The following GRM6 variants were observed in gnomAD, a reference collection of about 807,000 sequenced individuals.
The protein encoded by GRM6 is glutamate metabotropic receptor 6.
Under a neutral mutation model 78.4 loss-of-function variants are expected in GRM6, and 73 were observed. The observed-to-expected ratio is 0.93, with a 90% CI of 0.77 to 1.13. The LOEUF is 1.13. Ranked by LOEUF, GRM6 falls within the 50% of genes most tolerant of loss-of-function variation. The pLI is 0.00. For missense variants in GRM6, 1,251 were observed against 1,256.4 expected, an observed-to-expected ratio of 1.00 and a Z score of 0.07; for synonymous variants, 580 against 555.0, an observed-to-expected ratio of 1.05 and a Z score of -0.63.
rs140789330 is a variant in GRM6 at position 178,983,042 on chromosome 5, G to C, written c.2304C>G (p.Tyr768Ter). The change falls in exon 10 of 11, where the codon TAC becomes TAG. Residue 768 changes from tyrosine to a stop codon, truncating the protein, a stop_gained. Transcript: ENST00000517717. LOFTEE classifies it high-confidence loss of function. ...SLLLMVTCTVYAIKARGVPET... is the reference protein window; with the variant it reads ...SLLLMVTCTV ...CGGGCACGCCACGGGCCTTGATGGC[G>C]TACACTGTGCACGTGACCATGAGCA... 1.2e-6 allele frequency: 2 copies of C among 1,613,974 alleles called. No homozygotes were observed. The highest frequency in any genetic ancestry group is 1.3e-5 in the African/African-American group (1 of 75,002).
intron 9 of GRM6, chr5:178,985,620 G>A (rs562122001): frequency 5.8e-4 from 210 of 361,878 alleles, no homozygotes; most frequent in Middle Eastern, 5.7e-3. Context: ...GGAGAATGGC[G>A]TGAACCCGGA....
chr5:178,982,700 A>AC lies in GRM6; in HGVS notation c.2436+209_2436+210insG, dbSNP rs967227345. The AC allele has an allele frequency of 9.5e-5, 48 of 506,088 alleles. 1 individual carries two copies. The highest frequency in any genetic ancestry group is 8.1e-4 in the African/African-American group (39 of 48,122). 31.3% of individuals were successfully genotyped at this position (506,088 alleles called of 1,614,324 possible). A position where few individuals can be genotyped will look rare whatever the true frequency, so the allele number is the denominator to read the frequency against. On this transcript the variant is annotated intron_variant, in intron 10 of 10. Transcript: ENST00000517717. The stretch of plus-strand genomic sequence containing the variant: ...CAAAGAAATGAAAATGATAAAAAAA[A>AC]AAAAGAAAAAAAGAAGAGTGGAAGT...
chr5:178,987,243 C>T (rs908569622), intron 7 of GRM6: 31 of 634,258 alleles, frequency 4.9e-5, no homozygotes, highest in Admixed American at 1.5e-4. Context: ...AGGCTGCAGC[C>T]GCTGCAGAAA....
chr5:178,986,015 G>T, intron 9 of GRM6, 115 bp downstream of exon 9: 3 of 951,904 alleles, frequency 3.2e-6, no homozygotes, highest in Non-Finnish European at 4.7e-6. Flanking sequence ...ACCCACCTCA[G>T]CCTCCAAAGG....
chr5:178,986,605 A>T lies in GRM6; in HGVS notation c.1649T>A (p.Val550Glu), dbSNP rs201576815. The change falls in exon 9 of 11, where the codon GTG becomes GAG. Residue 550 changes from valine (V) to glutamate (E), a missense_variant. Transcript: ENST00000517717. ...ACAGGCCTCGCATGTGAACTCGTCC[A>T]CCTGGAAGCGGTACCCGTCACAGGC... ...CEACDGYRFQ[V>E]DEFTCEACPG... 65 of 1,604,254 alleles carry T rather than the reference A, an allele frequency of 4.1e-5. No homozygotes were observed. Among genetic ancestry groups the T allele is most frequent in the Non-Finnish European group, 5.5e-5 (65 of 1,179,888 alleles).
intron 2 of GRM6, 50 bp downstream of exon 2, chr5:178,994,391 G>A: frequency 2.1e-6 from 3 of 1,447,354 alleles, no homozygotes; most frequent in South Asian, 1.3e-5. Flanking sequence ...ACCCCAGGGC[G>A]AGGACGGGAG....
Position 178,991,850 on chromosome 5 carries a change from C to G in GRM6, c.721+17G>C, listed in dbSNP as rs368697449. 2.5e-6 allele frequency: 4 copies of G among 1,605,230 alleles called. No homozygotes were observed. In the Admixed American group the frequency reaches 5.0e-5, roughly 20 times the overall value. On this transcript the variant is annotated intron_variant, in intron 3 of 10. Coordinates refer to ENST00000517717, the MANE Select transcript of GRM6 (RefSeq NM_000843.4). The surrounding 1 kb of genome is among the most constrained non-coding windows in gnomAD (Gnocchi z 5.0). ...ACACTATGTAGACTCCTTGGTGCCT[C>G]GGAGCCCCCAGCTCACCAGCCTCTC...
chr5:178,987,962 G>A (rs1487977355), intron 7 of GRM6, among the ~76,000 whole-genome samples: 2 of 150,288 alleles, frequency 1.3e-5, no homozygotes, highest in Middle Eastern at 3.2e-3. Flanking sequence ...GTTTCACCAT[G>A]TTGGCCAGGC....
At position 178,988,937 on chromosome 5, in the gene GRM6, T is replaced by C; in HGVS notation, c.1352A>G (p.Asn451Ser). Residue 451 changes from asparagine to serine, a missense_variant and splice_region_variant, in exon 7 of 11, where the codon AAT (asparagine) becomes AGT (serine). By Grantham distance (46) the Asn-to-Ser change is conservative (BLOSUM62 1). Transcript: ENST00000517717. This position sits in a 1 kb window ranked among gnomAD's most constrained non-coding sequence, Gnocchi z 6.0. ...LLQYIRAVRF[N>S]GSAGTPVMFN... ...CAGGGGGGCAGGCACCCACTCACCATTGAAGCGGACAGCTCGAATGTACTG... is the reference window on the plus strand; with the variant it reads ...CAGGGGGGCAGGCACCCACTCACCACTGAAGCGGACAGCTCGAATGTACTG... 1 of 1,612,244 alleles carries C rather than the reference T, an allele frequency of 6.2e-7. No individual in the cohort carries two copies.
rs188530512 is a variant in GRM6, at chr5:178,993,816, G to A, written c.504+625C>T. Among the ~76,000 whole-genome samples the A allele has an allele frequency of 6.1e-3, 932 of 152,238 alleles. 8 individuals are homozygous for A. The highest frequency in any genetic ancestry group is 0.02 in the Middle Eastern group (6 of 294). On this transcript the variant is annotated intron_variant, in intron 2 of 10. Coordinates refer to ENST00000517717, the MANE Select transcript of GRM6 (RefSeq NM_000843.4). ...TTTGAGGACAGAGCAGGGCCAGCCC[G>A]GGCACCTGCGCAGGGCAGGGTGCAG...
chr5:178,986,271 C>G lies in GRM6; in HGVS notation c.1983G>C (p.Thr661=). 1 of 1,614,080 alleles carries G rather than the reference C, an allele frequency of 6.2e-7. No individual in the cohort carries two copies. The highest frequency in any genetic ancestry group is 1.3e-5 in the African/African-American group (1 of 75,038). The change falls in exon 9 of 11, where the codon ACG becomes ACC. Residue 661 remains threonine, a synonymous_variant. Coordinates refer to ENST00000517717, the MANE Select transcript of GRM6 (RefSeq NM_000843.4). ...AARRLFLGLG[T]TLSYSALLTK... ...TGAGCAGGGCAGAGTAGCTGAGGGT[C>G]GTGCCCAGGCCCAGGAAGAGCCTGC...
chr5:178,986,717 C>T lies in GRM6; in HGVS notation c.1537G>A (p.Val513Met), dbSNP rs201396068. The T allele has an allele frequency of 1.1e-4, 180 of 1,605,094 alleles. No homozygotes were observed. In the East Asian group the frequency reaches 3.1e-3, roughly 28 times the overall value. The change falls in exon 9 of 11, where the codon GTG (valine) becomes ATG (methionine). Residue 513 changes from valine (V) to methionine (M), a missense_variant. Coordinates refer to ENST00000517717, the MANE Select transcript of GRM6 (RefSeq NM_000843.4). ...GGCAGGCTGCACAGAGACGAGGGCA[C>T]CTCGTGGGGGTCGCCAGACCACTGC... ...ALQWSGDPHE[V>M]PSSLCSLPCG...
Position 178,981,834 on chromosome 5 carries a change from C to G in GRM6, c.2457G>C (p.Thr819=). The G allele has an allele frequency of 6.2e-7, 1 of 1,612,170 alleles. No homozygotes were observed. The highest frequency in any genetic ancestry group is 8.5e-7 in the Non-Finnish European group (1 of 1,178,276). ...SAEKIYIQTT[T]LTVSLSLSAS... Reference sequence around the variant, plus strand: ...CACTCAGGCTCAAGGACACGGTTAGCGTGGTTGTCTGGATGTAGATCTAGG... The same window carrying G: ...CACTCAGGCTCAAGGACACGGTTAGGGTGGTTGTCTGGATGTAGATCTAGG... Residue 819 remains threonine (T), a synonymous_variant, in exon 11 of 11, where the codon ACG becomes ACC. Transcript: ENST00000517717. The surrounding 1 kb of genome is among the most constrained non-coding windows in gnomAD (Gnocchi z 5.1).
intron 7 of GRM6, 122 bp from the exon 8 acceptor site, chr5:178,987,105 C>T (rs546632115): frequency 7.9e-6 from 8 of 1,010,458 alleles, no homozygotes; most frequent in African/African-American, 6.3e-5. Flanking sequence ...TCATAAGGGA[C>T]GTGCAAATCC....
At chr5:178,982,758 A>AT in intron 10 of GRM6, 152 bp downstream of exon 10, 4 of 646,630 alleles carry the variant, frequency 6.2e-6, no homozygotes, top group Non-Finnish European at 1.1e-5. Context: ...GGAAAAGTGA[A>AT]TGAATGAACA....
intron 5 of GRM6, among the ~76,000 whole-genome samples, 180 bp from the exon 6 acceptor site, chr5:178,989,585 G>A (rs1211981863): frequency 1.3e-5 from 2 of 151,880 alleles, no homozygotes; most frequent in Non-Finnish European, 2.9e-5. Flanking sequence ...GTGGCCAGGT[G>A]AGCTAGGAGT....
Position 178,986,221 on chromosome 5 carries a change from A to T in GRM6, c.2033T>A (p.Ile678Asn). The T allele has an allele frequency of 6.2e-7, 1 of 1,614,156 alleles. No homozygotes were observed. Among genetic ancestry groups the T allele is most frequent in the Non-Finnish European group, 8.5e-7 (1 of 1,180,022 alleles). Residue 678 changes from isoleucine (I) to asparagine (N), a missense_variant, in exon 9 of 11, where the codon ATC becomes AAC. Physicochemically the swap from Ile to Asn is moderately radical, Grantham distance 149. Transcript: ENST00000517717. ...LLTKTNRIYR[I>N]FEQGKRSVTP... ...GACCGAGCGCTTGCCCTGCTCAAAG[A>T]TGCGGTAGATACGGTTGGTCTTGGT...
chr5:178,983,451 C>T (rs186892367), intron 9 of GRM6: 210 of 693,656 alleles, frequency 3.0e-4, no homozygotes, highest in Admixed American at 1.9e-3. Flanking sequence ...CTGGCAGCTG[C>T]GGAGAAGGGC....
chr5:178,987,947 A>G (rs1342698551), intron 7 of GRM6, among the ~76,000 whole-genome samples: 5 of 148,724 alleles, frequency 3.4e-5, no homozygotes, highest in Non-Finnish European at 5.9e-5. Flanking sequence ...TTTAGTAGAG[A>G]TGGGGTTTCA....
Sources: allele counts gnomAD v4.1 joint callset (sites outside exome capture counted in the v4.1 genomes callset), GRCh38; gene constraint gnomAD v4.1.1; non-coding constraint Gnocchi (gnomAD v3.1); transcripts MANE v1.5; gene names NCBI Gene and HGNC (gene_info 2026-07-23, HGNC 2026-07-21).